The following CYFIP1 variants were observed in gnomAD, a reference collection of about 807,000 sequenced individuals.
CYFIP1 encodes cytoplasmic FMR1-interacting protein 1.
In CYFIP1, 58 loss-of-function variants were observed where a neutral mutation model predicts 163.5. The observed-to-expected ratio is 0.35, with a 90% confidence interval of 0.29 to 0.44. CYFIP1 has a LOEUF of 0.44. CYFIP1 is among the 20% of genes least tolerant of loss of function. The pLI is 1.00. For synonymous variants in CYFIP1, 663 were observed against 660.7 expected, an observed-to-expected ratio of 1.00 and a Z score of -0.05; for missense variants, 1,338 against 1,653.8, an observed-to-expected ratio of 0.81 and a Z score of 3.31.
chr15:22,946,863 T>TA (rs1433152100), intron 3 of CYFIP1, 140 bp downstream of exon 3: 3 of 782,908 alleles, frequency 3.8e-6, no homozygotes, highest in South Asian at 2.9e-5. Context: ...AAGACTGTCT[T>TA]AAAAATATAA....
At chr15:22,978,269 C>T (rs1023278772) in intron 1 of CYFIP1, among the ~76,000 whole-genome samples, 1 of 143,798 alleles carries the variant, frequency 7.0e-6, no homozygotes, top group Middle Eastern at 3.8e-3. Context: ...GGAGAACCAC[C>T]TGAACCCAGG....
At chr15:22,960,949 G>T (rs112547814) in intron 1 of CYFIP1, among the ~76,000 whole-genome samples, 83 of 152,142 alleles carry the variant, frequency 5.5e-4, no homozygotes, top group Non-Finnish European at 9.7e-4. Flanking sequence ...GAATCCAGGG[G>T]TCACTTCTGT....
intron 1 of CYFIP1, among the ~76,000 whole-genome samples, chr15:22,967,161 A>C (rs2062940353): frequency 6.6e-6 from 1 of 152,204 alleles, no homozygotes; most frequent in African/African-American, 2.4e-5. Context: ...CGGGACAAGG[A>C]GGCAGTGCTC....
intron 27 of CYFIP1, 82 bp from the exon 28 acceptor site, chr15:22,874,726 CAAAA>C: frequency 1.1e-6 from 1 of 947,496 alleles, no homozygotes; most frequent in Non-Finnish European, 1.5e-6. Context: ...GTTTAAAAAA[CAAAA>C]GATTTTTAAG....
chr15:22,941,152 C>T (rs2140082316), intron 6 of CYFIP1, among the ~76,000 whole-genome samples: 1 of 152,270 alleles, frequency 6.6e-6, no homozygotes, highest in African/African-American at 2.4e-5. Flanking sequence ...ACCTCCTGGG[C>T]TCAAGTGATT....
At chr15:22,929,631 C>A (rs1467915439) in intron 11 of CYFIP1, among the ~76,000 whole-genome samples, 519 of 42,042 alleles carry the variant, frequency 0.012, no homozygotes, top group African/African-American at 0.02. Context: ...GACTCTGTCT[C>A]AAAAAAAAAA....
intron 25 of CYFIP1, among the ~76,000 whole-genome samples, chr15:22,881,288 A>G (rs1367976171): frequency 6.6e-6 from 1 of 152,214 alleles, no homozygotes; most frequent in Admixed American, 6.5e-5. Flanking sequence ...GCCAGGTAAG[A>G]GACTAAAAGC....
intron 13 of CYFIP1, among the ~76,000 whole-genome samples, chr15:22,922,276 G>C (rs1692551538): frequency 6.6e-6 from 1 of 152,218 alleles, no homozygotes; most frequent in Non-Finnish European, 1.5e-5. Flanking sequence ...TGAGGACCTA[G>C]AGTCTGAGTA....
chr15:22,968,477 G>A (rs1414233814), intron 1 of CYFIP1, among the ~76,000 whole-genome samples: 1 of 152,154 alleles, frequency 6.6e-6, no homozygotes. Context: ...TTTAGCCTAT[G>A]GGCCTGCCTT....
intron 1 of CYFIP1, among the ~76,000 whole-genome samples, chr15:22,959,652 G>C (rs1035923309): frequency 5.3e-5 from 8 of 152,182 alleles, no homozygotes; most frequent in Non-Finnish European, 1.0e-4. Flanking sequence ...GATTCCTGCG[G>C]CTTGAAGGAA....
chr15:22,943,139 G>A (rs755229682), intron 6 of CYFIP1, 34 bp downstream of exon 6: 15 of 1,604,142 alleles, frequency 9.4e-6, no homozygotes, highest in East Asian at 4.5e-5. Flanking sequence ...GGGTGCTCTC[G>A]GGAGGGCCCG....
Position 22,867,759 on chromosome 15 carries a change from T to C in CYFIP1, c.*2269A>G, listed in dbSNP as rs1595460960. ...AAAGTCTGAATGCTTAGAACAAACT[T>C]AACATGTTTATAGAATATGGTCTCT... On this transcript the variant is annotated 3_prime_UTR_variant, in exon 31 of 31. Transcript: ENST00000617928. 1 of 150,064 alleles carries C rather than the reference T, an allele frequency of 6.7e-6. No individual in the cohort carries two copies. Among genetic ancestry groups the C allele is most frequent in the African/African-American group, 2.5e-5 (1 of 39,504 alleles). The allele number at this position is 150,064 out of a possible 1,614,324, so 9.3% of individuals were successfully genotyped here.
At chr15:22,875,382 GTTTAT>G in intron 26 of CYFIP1, 111 bp from the exon 27 acceptor site, 1 of 899,042 alleles carries the variant, frequency 1.1e-6, no homozygotes, top group Non-Finnish European at 1.8e-6. Context: ...AACTCTGTAA[GTTTAT>G]TTTATCTCTG....
intron 26 of CYFIP1, among the ~76,000 whole-genome samples, chr15:22,878,697 C>A (rs2059657485): frequency 2.1e-5 from 3 of 143,488 alleles, no homozygotes; most frequent in African/African-American, 5.2e-5. Context: ...AAGTGCTAAT[C>A]ATTAAAAAAA....
chr15:22,938,594 A>G (rs1370964775), intron 8 of CYFIP1, among the ~76,000 whole-genome samples: 1 of 151,668 alleles, frequency 6.6e-6, no homozygotes, highest in East Asian at 1.9e-4. Flanking sequence ...GAAAGAGCAA[A>G]GCCCTGTCTC....
intron 1 of CYFIP1, among the ~76,000 whole-genome samples, chr15:22,971,278 T>C (rs1413452826): frequency 2.0e-5 from 3 of 152,094 alleles, no homozygotes; most frequent in Admixed American, 6.6e-5. Context: ...GTTGCTCACA[T>C]CTGTAATCCC....
rs2059479709 is a variant in CYFIP1, at chr15:22,872,985, A to G, written c.3450-13T>C. 1 of 1,612,824 alleles carries G rather than the reference A, an allele frequency of 6.2e-7. No homozygotes were observed. The highest frequency in any genetic ancestry group is 2.2e-5 in the East Asian group (1 of 44,878). The stretch of plus-strand genomic sequence containing the variant: ...ACCAAAGCACTGCCTAGGAACAAGA[A>G]GCAGAAACAGAATGGGAGATGAGTG... On this transcript the variant is annotated splice_polypyrimidine_tract_variant and intron_variant, in intron 29 of 30. Coordinates refer to ENST00000617928, the MANE Select transcript of CYFIP1 (RefSeq NM_014608.6).
chr15:22,941,534 G>C (rs555451235), intron 6 of CYFIP1, among the ~76,000 whole-genome samples: 1 of 152,118 alleles, frequency 6.6e-6, no homozygotes, highest in South Asian at 2.1e-4. Flanking sequence ...TGCCAAAAGA[G>C]CTAGATGCGT....
At chr15:22,873,426 G>GCCTCCCCTCCCCCACAGCT (rs753793999) in intron 29 of CYFIP1, 65 bp downstream of exon 29, 2 of 1,356,606 alleles carry the variant, frequency 1.5e-6, no homozygotes, top group Non-Finnish European at 2.1e-6. Flanking sequence ...AGCCTAACAC[G>GCCTCCCCTCCCCCACAGCT]CCTCCCCTCC....
Sources: allele counts gnomAD v4.1 joint callset (sites outside exome capture counted in the v4.1 genomes callset), GRCh38; gene constraint gnomAD v4.1.1; transcripts MANE v1.5; gene names NCBI Gene and HGNC (gene_info 2026-07-23, HGNC 2026-07-21).